The following ADAMTS19 variants were observed in gnomAD, a reference collection of about 807,000 sequenced individuals.
The protein encoded by ADAMTS19 is A disintegrin and metalloproteinase with thrombospondin motifs 19.
Under a neutral mutation model 153.3 loss-of-function variants are expected in ADAMTS19, and 93 were observed. The ratio of observed to expected loss-of-function variants is 0.61; its 90% CI spans 0.51 to 0.72. The LOEUF is 0.72. ADAMTS19 is among the 30% of genes least tolerant of loss of function. The pLI is 0.00. For synonymous variants in ADAMTS19, 600 were observed against 556.6 expected, an observed-to-expected ratio of 1.08 and a Z score of -1.10; for missense variants, 1,482 against 1,552.1, an observed-to-expected ratio of 0.95 and a Z score of 0.76.
chr5:129,522,056 T>C (rs1751823691), intron 3 of ADAMTS19, among the ~76,000 whole-genome samples: 1 of 151,802 alleles, frequency 6.6e-6, no homozygotes. Context: ...ATTAATCTCA[T>C]TCACTTGGCA....
chr5:129,687,595 A>G (rs977460358), intron 18 of ADAMTS19, among the ~76,000 whole-genome samples: 9 of 152,172 alleles, frequency 5.9e-5, no homozygotes, highest in African/African-American at 2.4e-5. Flanking sequence ...AATATTATCT[A>G]TTCTTAAACA....
intron 21 of ADAMTS19, among the ~76,000 whole-genome samples, chr5:129,715,988 A>G (rs1480830516): frequency 1.3e-5 from 2 of 152,112 alleles, no homozygotes; most frequent in Non-Finnish European, 2.9e-5. Context: ...GCTGCGGCAG[A>G]TGGAACTGAG....
At chr5:129,514,932 T>G (rs1751549834) in intron 3 of ADAMTS19, among the ~76,000 whole-genome samples, 1 of 152,154 alleles carries the variant, frequency 6.6e-6, no homozygotes, top group African/African-American at 2.4e-5. Context: ...GTGTTAGATT[T>G]AAATCTTTAA....
At chr5:129,501,880 G>C (rs1751118208) in intron 2 of ADAMTS19, among the ~76,000 whole-genome samples, 1 of 151,600 alleles carries the variant, frequency 6.6e-6, no homozygotes, top group South Asian at 2.1e-4. Context: ...TTTTAGCTTG[G>C]GTAACTAAAA....
chr5:129,737,333 AATTT>A lies in ADAMTS19; in HGVS notation c.*120_*123del. 4 of 1,156,688 alleles carry A rather than the reference AATTT, an allele frequency of 3.5e-6. No individual in the cohort carries two copies. Among genetic ancestry groups the A allele is most frequent in the Non-Finnish European group, 4.5e-6 (4 of 891,640 alleles). 71.7% of individuals were successfully genotyped at this position (1,156,688 alleles called of 1,614,324 possible). On this transcript the variant is annotated 3_prime_UTR_variant, in exon 23 of 23. Transcript: ENST00000274487. ...AGATTACATATAATTTAATCAAATTAATTTATTTTTTTGCCTGCCAAACATCCAA... is the reference window on the plus strand; with the variant it reads ...AGATTACATATAATTTAATCAAATTAATTTTTTTGCCTGCCAAACATCCAA...
At chr5:129,522,299 G>GTGTA (rs1361330810) in intron 3 of ADAMTS19, among the ~76,000 whole-genome samples, 208 of 97,702 alleles carry the variant, frequency 2.1e-3, no homozygotes, top group African/African-American at 8.3e-3. Flanking sequence ...GTGTGTGTGT[G>GTGTA]TATATATATA....
chr5:129,578,569 A>G (rs928267856), intron 7 of ADAMTS19, among the ~76,000 whole-genome samples: 6 of 151,694 alleles, frequency 4.0e-5, no homozygotes, highest in African/African-American at 1.2e-4. Flanking sequence ...TATGTTAGGT[A>G]TTTCTCCTTA....
intron 3 of ADAMTS19, among the ~76,000 whole-genome samples, chr5:129,521,890 G>A (rs1013231931): frequency 6.6e-6 from 1 of 152,144 alleles, no homozygotes; most frequent in Non-Finnish European, 1.5e-5. Flanking sequence ...AAGTAAGAAA[G>A]GGAGAATGAA....
Position 129,461,490 on chromosome 5 carries a change from G to T in ADAMTS19, c.480G>T (p.Pro160=). 1 of 1,490,658 alleles carries T rather than the reference G, an allele frequency of 6.7e-7. No homozygotes were observed. 92.3% of individuals were successfully genotyped at this position (1,490,658 alleles called of 1,614,324 possible). A position where few individuals can be genotyped will look rare whatever the true frequency, so the allele number is the denominator to read the frequency against. The stretch of plus-strand genomic sequence containing the variant: ...CGCAGCCGCCCCCGTCCCCGCCCCC[G>T]GCCCAGCATGCCGAGCCGGATGGCG... ...PPPQPPPSPP[P]AQHAEPDGDE... Residue 160 remains proline, a synonymous_variant, in exon 2 of 23, where the codon CCG becomes CCT. Transcript: ENST00000274487. This position sits in a 1 kb window ranked among gnomAD's most constrained non-coding sequence, Gnocchi z 4.6.
intron 18 of ADAMTS19, among the ~76,000 whole-genome samples, chr5:129,693,209 C>T (rs530949776): frequency 6.6e-6 from 1 of 152,146 alleles, no homozygotes; most frequent in Non-Finnish European, 1.5e-5. Context: ...GTTTACTTAG[C>T]CAACCAGTTG....
chr5:129,622,051 C>T, intron 9 of ADAMTS19, 147 bp from the exon 10 acceptor site: 1 of 762,888 alleles, frequency 1.3e-6, no homozygotes, highest in Non-Finnish European at 2.1e-6. Flanking sequence ...TGATTTTTGA[C>T]ATATAGAATA....
intron 2 of ADAMTS19, among the ~76,000 whole-genome samples, chr5:129,501,888 A>G (rs1751118474): frequency 1.3e-5 from 2 of 152,230 alleles, no homozygotes; most frequent in Middle Eastern, 3.4e-3. Context: ...TGGGTAACTA[A>G]AAAAAGGTAC....
intron 19 of ADAMTS19, 33 bp downstream of exon 19, chr5:129,694,888 T>C: frequency 6.7e-7 from 1 of 1,484,596 alleles, no homozygotes; most frequent in Non-Finnish European, 9.0e-7. Context: ...TAAAGCATTA[T>C]TTGTCCATTA....
chr5:129,588,857 C>T (rs1749952633), intron 7 of ADAMTS19, among the ~76,000 whole-genome samples: 1 of 151,296 alleles, frequency 6.6e-6, no homozygotes, highest in Admixed American at 6.6e-5. Flanking sequence ...TTCCTTTTAC[C>T]CTAATTTGAC....
intron 7 of ADAMTS19, among the ~76,000 whole-genome samples, chr5:129,575,609 C>A (rs933944815): frequency 7.2e-5 from 11 of 152,018 alleles, no homozygotes; most frequent in African/African-American, 2.2e-4. Context: ...TTTTATCTTT[C>A]TTTTAATTAA....
intron 21 of ADAMTS19, among the ~76,000 whole-genome samples, chr5:129,714,088 A>C (rs1268583684): frequency 3.3e-5 from 5 of 152,220 alleles, no homozygotes; most frequent in African/African-American, 1.2e-4. Flanking sequence ...CCTTAAAATG[A>C]AGAGTCAATG....
chr5:129,646,926 G>A (rs77043180), intron 11 of ADAMTS19, among the ~76,000 whole-genome samples: 212 of 152,138 alleles, frequency 1.4e-3, no homozygotes, highest in African/African-American at 5.0e-3. Context: ...CAGGAATGAG[G>A]AGAAATTTTA....
chr5:129,563,148 G>T (rs753070078), intron 7 of ADAMTS19, among the ~76,000 whole-genome samples: 2 of 151,848 alleles, frequency 1.3e-5, no homozygotes, highest in African/African-American at 4.8e-5. Flanking sequence ...AATCATTTTT[G>T]CCAGGTGAGA....
chr5:129,606,459 ATTCT>A (rs1246291265), intron 8 of ADAMTS19, among the ~76,000 whole-genome samples: 1 of 152,116 alleles, frequency 6.6e-6, no homozygotes, highest in Admixed American at 6.6e-5. Flanking sequence ...TCAACTGTCT[ATTCT>A]TTCTTCTGTT....
Sources: gnomAD v4.1 joint callset for allele counts (sites outside exome capture counted in the v4.1 genomes callset) on GRCh38, gnomAD v4.1.1 for gene constraint, Gnocchi (gnomAD v3.1) non-coding constraint, MANE v1.5 for transcripts, NCBI Gene and HGNC (gene_info 2026-07-23, HGNC 2026-07-21) for gene names.